DYM: variants seen among roughly 807,000 people sequenced by gnomAD.
DYM encodes the protein dymeclin.
DYM carries 78 observed loss-of-function variants against 93.1 expected under a neutral mutation model. The observed-to-expected ratio is 0.84, with a 90% CI of 0.70 to 1.01. The LOEUF (loss-of-function observed/expected upper bound fraction) is 1.01, where lower values mean the gene tolerates loss of function less well. Among genes scored for constraint, DYM ranks in the 50% least tolerant of loss-of-function variants. The pLI is 0.00. For synonymous variants in DYM, 321 were observed against 319.7 expected (o/e 1.00, Z -0.04); for missense variants, 789 against 845.0 (o/e 0.93, Z 0.82).
intron 8 of DYM, among the ~76,000 whole-genome samples, chr18:49,304,712 G>A (rs1032743520): frequency 6.6e-6 from 1 of 152,044 alleles, no homozygotes; most frequent in South Asian, 2.1e-4. Context: ...ATCCATCAAC[G>A]TTTCTTGCTC....
chr18:49,365,750 G>T (rs550268025), intron 5 of DYM, among the ~76,000 whole-genome samples: 1 of 152,250 alleles, frequency 6.6e-6, no homozygotes, highest in Admixed American at 6.5e-5. Context: ...TTTAATTACG[G>T]AAGGTGAGAG....
chr18:49,217,502 G>A (rs1239350164), intron 13 of DYM, among the ~76,000 whole-genome samples: 3 of 152,218 alleles, frequency 2.0e-5, no homozygotes, highest in African/African-American at 7.2e-5. Flanking sequence ...GGCAGCCAGA[G>A]AGAAAGGCCG....
At chr18:49,045,565 G>A (rs1380865891) in intron 17 of DYM, among the ~76,000 whole-genome samples, 45 of 152,356 alleles carry the variant, frequency 3.0e-4, no homozygotes, top group Non-Finnish European at 1.5e-4. Context: ...AGGGCCTAGA[G>A]ATACGGGGGT....
intron 17 of DYM, among the ~76,000 whole-genome samples, chr18:49,045,775 T>G (rs116214105): frequency 0.011 from 1,633 of 150,540 alleles, 25 homozygotes; most frequent in African/African-American, 0.038. Context: ...AGGAAAGGCC[T>G]GGGTGTGAGG....
intron 8 of DYM, among the ~76,000 whole-genome samples, chr18:49,310,491 T>C (rs1296144873): frequency 1.3e-5 from 2 of 152,208 alleles, no homozygotes; most frequent in Non-Finnish European, 2.9e-5. Context: ...ACCTCAGTTA[T>C]GCATATACAT....
intron 13 of DYM, among the ~76,000 whole-genome samples, chr18:49,227,062 G>A (rs533373144): frequency 6.6e-6 from 1 of 152,120 alleles, no homozygotes; most frequent in East Asian, 1.9e-4. Flanking sequence ...AATAATCTGA[G>A]GCATAAACAC....
At chr18:49,202,417 C>A (rs868003290) in intron 14 of DYM, among the ~76,000 whole-genome samples, 1 of 141,144 alleles carries the variant, frequency 7.1e-6, no homozygotes. Context: ...GCCGCCACCC[C>A]GTCTGGGAAG....
intron 15 of DYM, among the ~76,000 whole-genome samples, chr18:49,134,884 A>G (rs998449922): frequency 6.6e-6 from 1 of 152,198 alleles, no homozygotes; most frequent in Non-Finnish European, 1.5e-5. Flanking sequence ...GAGGCGGTGG[A>G]TCACCTAAGG....
At chr18:49,409,934 C>T (rs928539853) in intron 2 of DYM, among the ~76,000 whole-genome samples, 8 of 152,292 alleles carry the variant, frequency 5.3e-5, no homozygotes, top group Non-Finnish European at 1.5e-5. Context: ...GGAGCCTATA[C>T]GTAGTACCTA....
chr18:49,127,650 G>A (rs1045665285), intron 15 of DYM, among the ~76,000 whole-genome samples: 25 of 152,226 alleles, frequency 1.6e-4, no homozygotes, highest in African/African-American at 5.8e-4. Flanking sequence ...AAGTTAATGC[G>A]CCAATGGCCT....
At position 49,037,529 on chromosome 18, in the gene DYM, T is replaced by TC. The variant is rs2143939774; in HGVS notation, c.*6525dup. The stretch of plus-strand genomic sequence containing the variant: ...ATCATTAGGAGCCCAAACCTCAGCA[T>TC]CATCAATATATTCTTGTAACAAACC... On this transcript the variant is annotated 3_prime_UTR_variant, in exon 18 of 18. Transcript: ENST00000675505. Among the ~76,000 whole-genome samples, 1 of 152,294 alleles carries TC rather than the reference T, an allele frequency of 6.6e-6. No homozygotes were observed. The highest frequency in any genetic ancestry group is 2.1e-4 in the South Asian group (1 of 4,822).
chr18:49,228,747 A>G (rs1297362653), intron 13 of DYM, among the ~76,000 whole-genome samples: 1 of 152,106 alleles, frequency 6.6e-6, no homozygotes, highest in East Asian at 1.9e-4. Flanking sequence ...TAACTGTTGG[A>G]TATAGGAAAT....
chr18:49,331,191 C>A (rs1015832324), intron 8 of DYM, among the ~76,000 whole-genome samples: 2 of 152,170 alleles, frequency 1.3e-5, no homozygotes, highest in African/African-American at 4.8e-5. Context: ...CTCACAAGTA[C>A]CAAAGTGTCG....
At chr18:49,141,145 A>G (rs1319717698) in intron 15 of DYM, among the ~76,000 whole-genome samples, 1 of 152,134 alleles carries the variant, frequency 6.6e-6, no homozygotes, top group Non-Finnish European at 1.5e-5. Context: ...ATCAATTGCC[A>G]TGACTCCGAA....
intron 9 of DYM, among the ~76,000 whole-genome samples, chr18:49,284,161 A>C (rs1276148170): frequency 6.6e-6 from 1 of 152,188 alleles, no homozygotes; most frequent in East Asian, 1.9e-4. Context: ...CTGCAAAGGG[A>C]ATATGTGGGT....
chr18:49,319,350 A>G (rs1199546965), intron 8 of DYM, among the ~76,000 whole-genome samples: 1 of 152,220 alleles, frequency 6.6e-6, no homozygotes, highest in African/African-American at 2.4e-5. Flanking sequence ...GTTATGGTGA[A>G]GGGTGCTACT....
At chr18:49,209,038 C>T (rs1295859695) in intron 14 of DYM, among the ~76,000 whole-genome samples, 1 of 152,178 alleles carries the variant, frequency 6.6e-6, no homozygotes, top group Non-Finnish European at 1.5e-5. Context: ...GATTTTATAG[C>T]CACTCTGTAT....
At chr18:49,212,172 G>A (rs1339214835) in intron 13 of DYM, among the ~76,000 whole-genome samples, 1 of 152,130 alleles carries the variant, frequency 6.6e-6, no homozygotes, top group Non-Finnish European at 1.5e-5. Flanking sequence ...AAGAAAGACT[G>A]AGGGACCATT....
chr18:49,432,449 GAA>G (rs1425539957), intron 1 of DYM, among the ~76,000 whole-genome samples: 2 of 149,170 alleles, frequency 1.3e-5, no homozygotes, highest in African/African-American at 4.9e-5. Flanking sequence ...GAAAATGAAT[GAA>G]ACAGAGCTAA....
Sources: gnomAD v4.1 joint callset for allele counts (sites outside exome capture counted in the v4.1 genomes callset) on GRCh38, gnomAD v4.1.1 for gene constraint, MANE v1.5 for transcripts, NCBI Gene and HGNC (gene_info 2026-07-23, HGNC 2026-07-21) for gene names.